The following ORMDL1 variants were observed in gnomAD, a reference collection of about 807,000 sequenced individuals.
ORMDL1 encodes the protein ORM1-like protein 1.
A neutral mutation model predicts 13.0 loss-of-function variants in ORMDL1; 10 were observed. The ratio of observed to expected loss-of-function variants is 0.77; its 90% CI spans 0.47 to 1.30. The LOEUF (loss-of-function observed/expected upper bound fraction) is 1.30. Among genes scored for constraint, ORMDL1 ranks in the 50% most tolerant of loss-of-function variants. The pLI is 0.00. For synonymous variants in ORMDL1, 61 were observed against 63.9 expected, an observed-to-expected ratio of 0.95 and a Z score of 0.22; for missense variants, 171 against 186.7, an observed-to-expected ratio of 0.92 and a Z score of 0.49.
In ORMDL1 at chr2:189,771,913, A is replaced by G; in HGVS notation, c.327-11T>C. 1 of 1,552,170 alleles carries G rather than the reference A, an allele frequency of 6.4e-7. No individual in the cohort carries two copies. The highest frequency in any genetic ancestry group is 8.8e-7 in the Non-Finnish European group (1 of 1,141,986). ...CTTGCCAGAAAATATCTGTAGAGAT[A>G]AAAGTTAAGAATATATATAACATCC... On this transcript the variant is annotated splice_polypyrimidine_tract_variant and intron_variant, in intron 4 of 4. Transcript: ENST00000392349.
At chr2:189,775,032 A>G (rs1309095318) in intron 4 of ORMDL1, 3 of 152,244 alleles carry the variant, frequency 2.0e-5, no homozygotes, top group African/African-American at 7.2e-5. Flanking sequence ...TGAATTAGGT[A>G]TCACTAGCTA....
downstream of ORMDL1, among the ~76,000 whole-genome samples, chr2:189,767,856 T>C (rs1348908132): frequency 6.6e-6 from 1 of 152,222 alleles, no homozygotes; most frequent in Non-Finnish European, 1.5e-5. Context: ...AATTATGAAA[T>C]ATTTCAGATT....
the ORMDL1 span, chr2:189,764,454 CAGG>C: frequency 1.3e-5 from 2 of 152,200 alleles, no homozygotes; most frequent in Non-Finnish European, 2.9e-5. Context: ...TTATGTGAAA[CAGG>C]AGAACTCTAG....
At chr2:189,765,893 G>A (rs2047476276), downstream of ORMDL1, among the ~76,000 whole-genome samples, 1 of 136,484 alleles carries the variant, frequency 7.3e-6, no homozygotes, top group Non-Finnish European at 1.5e-5. Context: ...TTGGTGTGAG[G>A]TTGGCTCACT....
chr2:189,767,617 C>T (rs188363887), downstream of ORMDL1, among the ~76,000 whole-genome samples: 233 of 152,260 alleles, frequency 1.5e-3, 1 homozygote, highest in African/African-American at 5.5e-3. Flanking sequence ...TATTTCTTTA[C>T]TAAAGTTCTT....
intron 3 of ORMDL1, among the ~76,000 whole-genome samples, chr2:189,776,081 TCA>T (rs1320564462): frequency 6.6e-6 from 1 of 152,264 alleles, no homozygotes; most frequent in African/African-American, 2.4e-5. Context: ...AGGTTTTTCT[TCA>T]GGGTATATTA....
chr2:189,772,884 A>T (rs1002342774), intron 4 of ORMDL1, among the ~76,000 whole-genome samples: 5 of 152,218 alleles, frequency 3.3e-5, no homozygotes, highest in Admixed American at 2.6e-4. Flanking sequence ...ATACATTTTT[A>T]AAACCATCTA....
In ORMDL1 at chr2:189,782,458, A is replaced by G. The variant is rs549114114; in HGVS notation, c.138T>C (p.Pro46=). The change falls in exon 3 of 5, where the codon CCT becomes CCC. Residue 46 remains proline, a synonymous_variant. Transcript: ENST00000392349. ...VLLSIPFFSV[P]VAWTLTNIIH... ...TAATATTTGTTAAAGTCCAAGCAACAGGAACACTGAAGAAGGGAATGCTGA... is the reference window on the plus strand; with the variant it reads ...TAATATTTGTTAAAGTCCAAGCAACGGGAACACTGAAGAAGGGAATGCTGA... 12 of 1,614,174 alleles carry G rather than the reference A, an allele frequency of 7.4e-6. No individual in the cohort carries two copies. The South Asian group carries it at 1.3e-4, about 18-fold the overall frequency.
At chr2:189,769,728 G>C (rs767855483), downstream of ORMDL1, among the ~76,000 whole-genome samples, 1 of 152,104 alleles carries the variant, frequency 6.6e-6, no homozygotes, top group Non-Finnish European at 1.5e-5. Context: ...AGTAAATAAA[G>C]AAGGGACAAA....
intron 4 of ORMDL1, among the ~76,000 whole-genome samples, chr2:189,773,484 G>A (rs2047624367): frequency 6.6e-6 from 1 of 152,104 alleles, no homozygotes. Flanking sequence ...CACTTTGGGA[G>A]GCCAAGGCAG....
intron 4 of ORMDL1, among the ~76,000 whole-genome samples, chr2:189,773,149 T>C (rs1016873424): frequency 6.6e-6 from 1 of 152,224 alleles, no homozygotes; most frequent in Non-Finnish European, 1.5e-5. Context: ...TATAATGGGT[T>C]CTTTTGACTA....
chr2:189,769,704 T>C (rs1046098773), downstream of ORMDL1, among the ~76,000 whole-genome samples: 24 of 152,188 alleles, frequency 1.6e-4, no homozygotes, highest in South Asian at 1.2e-3. Context: ...GCCCAGAGTA[T>C]AAGTGATTTA....
intron 3 of ORMDL1, 59 bp from the exon 4 acceptor site, chr2:189,775,775 C>G (rs2047681962): frequency 6.6e-7 from 1 of 1,524,376 alleles, no homozygotes. Flanking sequence ...TAGTCTTTGT[C>G]AGTAGCATTA....
intron 1 of ORMDL1, 195 bp downstream of exon 1, chr2:189,784,074 G>A (rs1378796952): frequency 6.6e-6 from 1 of 152,356 alleles, no homozygotes; most frequent in Non-Finnish European, 1.5e-5. Flanking sequence ...CGCACGTCAC[G>A]TCAGGACCCT....
downstream of ORMDL1, among the ~76,000 whole-genome samples, chr2:189,768,364 A>G (rs1264884355): frequency 3.9e-5 from 6 of 152,202 alleles, no homozygotes; most frequent in African/African-American, 1.4e-4. Flanking sequence ...ACTGGTTGAC[A>G]CTGGGTTACT....
intron 3 of ORMDL1, among the ~76,000 whole-genome samples, chr2:189,776,213 C>T (rs2047691254): frequency 6.6e-6 from 1 of 152,058 alleles, no homozygotes. Flanking sequence ...CTGCCTTTGC[C>T]TTAATAGTTC....
downstream of ORMDL1, among the ~76,000 whole-genome samples, chr2:189,768,231 AC>A (rs1245375902): frequency 2.0e-5 from 3 of 152,172 alleles, no homozygotes; most frequent in Non-Finnish European, 4.4e-5. Flanking sequence ...AGGGTATTTT[AC>A]CTAGATAGGT....
At chr2:189,775,367 G>T (rs113403641) in intron 4 of ORMDL1, 198 bp downstream of exon 4, 9 of 557,990 alleles carry the variant, frequency 1.6e-5, no homozygotes, top group Admixed American at 3.3e-5. Flanking sequence ...TATTGTCTCC[G>T]TATATGTACT....
chr2:189,767,321 A>G (rs2047498209), downstream of ORMDL1, among the ~76,000 whole-genome samples: 1 of 152,218 alleles, frequency 6.6e-6, no homozygotes, highest in Non-Finnish European at 1.5e-5. Flanking sequence ...AGGAGAGACA[A>G]ATGTTTCAAA....
Sources: allele counts gnomAD v4.1 joint callset (sites outside exome capture counted in the v4.1 genomes callset), GRCh38; gene constraint gnomAD v4.1.1; transcripts MANE v1.5; gene names NCBI Gene and HGNC (gene_info 2026-07-23, HGNC 2026-07-21).